Variants in COL13A1 observed in about 807,000 individuals in gnomAD.
The protein encoded by COL13A1 is collagen alpha-1(XIII) chain.
A neutral mutation model predicts 130.9 loss-of-function variants in COL13A1; 89 were observed. The observed-to-expected ratio is 0.68, with a 90% CI of 0.57 to 0.81. The LOEUF (loss-of-function observed/expected upper bound fraction) is 0.81. Among genes scored for constraint, COL13A1 ranks in the 30% least tolerant of loss-of-function variants. COL13A1 has a pLI of 0.00. For synonymous variants in COL13A1, 402 were observed against 341.6 expected, an observed-to-expected ratio of 1.18 and a Z score of -1.95; for missense variants, 879 against 934.6, an observed-to-expected ratio of 0.94 and a Z score of 0.78.
chr10:69,896,752 G>A (rs28402903), intron 13 of COL13A1, among the ~76,000 whole-genome samples: 3,530 of 152,240 alleles, frequency 0.023, 144 homozygotes, highest in African/African-American at 0.08. Context: ...TTAAGGCTAC[G>A]GCGGTGCTGG....
At chr10:69,891,432 T>G (rs1288035225) in intron 10 of COL13A1, among the ~76,000 whole-genome samples, 1 of 152,118 alleles carries the variant, frequency 6.6e-6, no homozygotes, top group African/African-American at 2.4e-5. Flanking sequence ...ATCCTTGACA[T>G]GTCTGCAGAA....
At chr10:69,892,741 T>C (rs1439373774) in intron 10 of COL13A1, among the ~76,000 whole-genome samples, 1 of 152,242 alleles carries the variant, frequency 6.6e-6, no homozygotes, top group African/African-American at 2.4e-5. Flanking sequence ...CCATGTGTTG[T>C]TGGACCTCGA....
intron 2 of COL13A1, among the ~76,000 whole-genome samples, chr10:69,865,913 G>A (rs1242549435): frequency 1.3e-5 from 2 of 152,288 alleles, no homozygotes; most frequent in East Asian, 1.9e-4. Flanking sequence ...TAGCTGCATG[G>A]CCCTGGGGAG....
chr10:69,820,865 C>T (rs1163004282), intron 1 of COL13A1, among the ~76,000 whole-genome samples: 2 of 152,210 alleles, frequency 1.3e-5, no homozygotes, highest in Non-Finnish European at 2.9e-5. Flanking sequence ...AGATCCACTA[C>T]ATCCTGGCTG....
intron 3 of COL13A1, among the ~76,000 whole-genome samples, chr10:69,870,563 C>T (rs545036348): frequency 1.3e-5 from 2 of 151,884 alleles, no homozygotes; most frequent in East Asian, 3.9e-4. Flanking sequence ...TCAAGCCATC[C>T]TCCTGCCTCA....
chr10:69,887,944 G>A (rs2060763608), intron 8 of COL13A1, among the ~76,000 whole-genome samples: 1 of 152,124 alleles, frequency 6.6e-6, no homozygotes, highest in Non-Finnish European at 1.5e-5. Context: ...AGCAGAGGGA[G>A]CAGTTCCCCC....
At chr10:69,820,952 C>A (rs532229877) in intron 1 of COL13A1, among the ~76,000 whole-genome samples, 237 of 152,344 alleles carry the variant, frequency 1.6e-3, no homozygotes, top group African/African-American at 5.2e-3. Flanking sequence ...ACCCCCAAAC[C>A]AGAGGCGATA....
chr10:69,936,490 C>G (rs1219713118), intron 32 of COL13A1, among the ~76,000 whole-genome samples: 1 of 152,200 alleles, frequency 6.6e-6, no homozygotes, highest in African/African-American at 2.4e-5. Flanking sequence ...ACCTCCGTGT[C>G]TTTCTTTCAT....
intron 17 of COL13A1, among the ~76,000 whole-genome samples, chr10:69,908,117 G>T (rs952032069): frequency 1.3e-5 from 2 of 152,158 alleles, no homozygotes; most frequent in African/African-American, 4.8e-5. Flanking sequence ...CTGGGAAGCT[G>T]CTAGAGCCTT....
intron 2 of COL13A1, among the ~76,000 whole-genome samples, chr10:69,857,410 T>G (rs55989987): frequency 0.3 from 45,415 of 151,972 alleles, 7,085 homozygotes; most frequent in East Asian, 0.35. Flanking sequence ...ATTAAGGGCC[T>G]GGTACTGGTT....
intron 2 of COL13A1, among the ~76,000 whole-genome samples, chr10:69,838,348 C>A (rs1850654090): frequency 6.6e-6 from 1 of 152,208 alleles, no homozygotes; most frequent in Non-Finnish European, 1.5e-5. Context: ...TATCTGCTGG[C>A]TGAGTTCTGG....
rs1565119311 is a variant in COL13A1 at position 69,936,154 on chromosome 10, AAGG to A, written c.1771-600_1771-598del. Among the ~76,000 whole-genome samples the A allele has an allele frequency of 1.1e-3, 5 of 4,682 alleles. No homozygotes were observed. In the South Asian group the frequency reaches 0.19, roughly 176 times the overall value. The allele number at this position is 4,682 out of a possible 152,430, so 3.1% of individuals were successfully genotyped here. A position where few individuals can be genotyped will look rare whatever the true frequency, so the allele number is the denominator to read the frequency against. On this transcript the variant is annotated intron_variant, in intron 32 of 40. Coordinates refer to ENST00000645393, the MANE Select transcript of COL13A1 (RefSeq NM_001368882.1). The stretch of plus-strand genomic sequence containing the variant: ...GAAGGAAGGAAGGAAGGAAGGAAGG[AAGG>A]AAGGAAGGAAGGAAGGAAGGAAAGG...
chr10:69,840,933 C>T (rs536973718), intron 2 of COL13A1, among the ~76,000 whole-genome samples: 1 of 152,164 alleles, frequency 6.6e-6, no homozygotes, highest in Non-Finnish European at 1.5e-5. Flanking sequence ...GCCCCAGGCT[C>T]TGCCCCATCT....
chr10:69,803,276 C>A (rs750651690), intron 1 of COL13A1, among the ~76,000 whole-genome samples: 37 of 152,278 alleles, frequency 2.4e-4, no homozygotes, highest in Non-Finnish European at 4.0e-4. Context: ...CTCTGCTGTC[C>A]TTGGCCACAA....
chr10:69,876,000 G>T (rs1176295205), intron 5 of COL13A1, among the ~76,000 whole-genome samples: 1 of 152,258 alleles, frequency 6.6e-6, no homozygotes, highest in East Asian at 1.9e-4. Context: ...TTGGCTGTAG[G>T]AGTGGGTGTA....
Position 69,821,508 on chromosome 10 carries a change from A to G in COL13A1, c.295-861A>G, listed in dbSNP as rs1270279170. On this transcript the variant is annotated intron_variant, in intron 1 of 40. Coordinates refer to ENST00000645393, the MANE Select transcript of COL13A1 (RefSeq NM_001368882.1). ...GTATCAGGTGCCATTCTTTCTATGC[A>G]TTAATCTTTCTAACTTCGCAGTAAT... Among the ~76,000 whole-genome samples, 4 of 152,250 alleles carry G rather than the reference A, an allele frequency of 2.6e-5. No homozygotes were observed. The East Asian group carries it at 7.7e-4, about 29-fold the overall frequency.
chr10:69,884,823 T>C (rs1459618327), intron 7 of COL13A1, among the ~76,000 whole-genome samples: 1 of 152,020 alleles, frequency 6.6e-6, no homozygotes, highest in Non-Finnish European at 1.5e-5. Context: ...AACAGGACAA[T>C]CTAAGTAAAC....
chr10:69,840,520 C>A (rs955352451), intron 2 of COL13A1, among the ~76,000 whole-genome samples: 6 of 152,172 alleles, frequency 3.9e-5, no homozygotes, highest in African/African-American at 1.2e-4. Context: ...TTCCCCTCCC[C>A]ACCTCAGCAG....
At chr10:69,946,467 G>C (rs951946028) in intron 37 of COL13A1, among the ~76,000 whole-genome samples, 2 of 152,264 alleles carry the variant, frequency 1.3e-5, no homozygotes, top group Non-Finnish European at 2.9e-5. Flanking sequence ...GAAGTTGAGT[G>C]TCTGCCTGAG....
Sources: allele counts gnomAD v4.1 joint callset (sites outside exome capture counted in the v4.1 genomes callset), GRCh38; gene constraint gnomAD v4.1.1; transcripts MANE v1.5; gene names NCBI Gene and HGNC (gene_info 2026-07-23, HGNC 2026-07-21).